THSD7A: variants seen among roughly 807,000 people sequenced by gnomAD.
The protein encoded by THSD7A is thrombospondin type-1 domain-containing protein 7A.
THSD7A carries 96 observed loss-of-function variants against 231.3 expected under a neutral mutation model. That is an observed-to-expected ratio of 0.41 (90% CI 0.35 to 0.49). THSD7A has a LOEUF of 0.49. Among genes scored for constraint, THSD7A ranks in the 20% least tolerant of loss-of-function variants. THSD7A has a pLI of 0.05. For synonymous variants in THSD7A, 940 were observed against 743.3 expected, an observed-to-expected ratio of 1.26 and a Z score of -4.30; for missense variants, 2,290 against 2,070.2, an observed-to-expected ratio of 1.11 and a Z score of -2.06.
chr7:11,519,959 A>G (rs1479953108), intron 6 of THSD7A: 1 of 152,100 alleles, frequency 6.6e-6, no homozygotes, highest in Non-Finnish European at 1.5e-5. Flanking sequence ...ATTTTTCAGA[A>G]TGCATGTGCT....
intron 1 of THSD7A, among the ~76,000 whole-genome samples, chr7:11,642,228 G>A (rs148748579): frequency 6.6e-6 from 1 of 152,304 alleles, no homozygotes; most frequent in East Asian, 1.9e-4. Flanking sequence ...ATTACTAAGA[G>A]TGGGAGGTAG....
chr7:11,752,956 CAA>C (rs1278327177), intron 1 of THSD7A, among the ~76,000 whole-genome samples: 123 of 150,878 alleles, frequency 8.2e-4, no homozygotes, highest in African/African-American at 2.9e-3. Context: ...ATCAATCAAT[CAA>C]TCATTTCTAA....
chr7:11,417,409 T>A, intron 17 of THSD7A, 41 bp downstream of exon 17: 1 of 1,497,196 alleles, frequency 6.7e-7, no homozygotes, highest in Non-Finnish European at 8.9e-7. Context: ...TGGCAAATAA[T>A]TAAATAAACT....
At chr7:11,494,652 A>G (rs1273358565) in intron 6 of THSD7A, among the ~76,000 whole-genome samples, 1 of 152,054 alleles carries the variant, frequency 6.6e-6, no homozygotes, top group African/African-American at 2.4e-5. Context: ...TTTGAAATAC[A>G]GAATCAAAAA....
chr7:11,783,376 G>T (rs1783692305), intron 1 of THSD7A, among the ~76,000 whole-genome samples: 1 of 152,152 alleles, frequency 6.6e-6, no homozygotes, highest in Non-Finnish European at 1.5e-5. Context: ...CAGAATGGTT[G>T]TGTAGATACT....
intron 3 of THSD7A, among the ~76,000 whole-genome samples, chr7:11,591,861 C>T (rs567693992): frequency 6.6e-6 from 1 of 152,134 alleles, no homozygotes; most frequent in Non-Finnish European, 1.5e-5. Context: ...AATTGAAGTT[C>T]TGATTTAGGT....
chr7:11,792,105 T>C (rs1234797175), intron 1 of THSD7A, among the ~76,000 whole-genome samples: 1 of 151,968 alleles, frequency 6.6e-6, no homozygotes, highest in Admixed American at 6.6e-5. Flanking sequence ...TCTCTTCCTC[T>C]CCCTCCATTT....
chr7:11,422,037 A>G (rs1784161639), intron 16 of THSD7A, among the ~76,000 whole-genome samples: 1 of 152,194 alleles, frequency 6.6e-6, no homozygotes, highest in African/African-American at 2.4e-5. Context: ...ATACTTTGAG[A>G]AAACTGAACT....
At chr7:11,449,680 T>C (rs1785083271) in intron 11 of THSD7A, among the ~76,000 whole-genome samples, 1 of 151,956 alleles carries the variant, frequency 6.6e-6, no homozygotes, top group Admixed American at 6.6e-5. Context: ...GTAGGAGAAA[T>C]CCTCGAGATG....
intron 23 of THSD7A, among the ~76,000 whole-genome samples, chr7:11,399,652 C>A (rs1304515589): frequency 1.3e-5 from 2 of 152,092 alleles, no homozygotes; most frequent in Admixed American, 1.3e-4. Context: ...ATTAAAAAGT[C>A]AGGAAACAAC....
rs545713835 is a variant in THSD7A, at chr7:11,687,871, T to C, written c.191-50910A>G. On this transcript the variant is annotated intron_variant, in intron 1 of 27. Transcript: ENST00000423059. ...TAAAATCATCTGGGGTGTTTCTTTT[T>C]TTTTTAATTTAATTTTATTTTTTTA... Among the ~76,000 whole-genome samples the C allele has an allele frequency of 8.0e-4, 121 of 151,896 alleles. No individual in the cohort carries two copies. The East Asian group carries it at 0.017, about 21-fold the overall frequency.
intron 1 of THSD7A, among the ~76,000 whole-genome samples, chr7:11,645,955 A>G (rs922743501): frequency 4.6e-5 from 7 of 151,982 alleles, no homozygotes; most frequent in Non-Finnish European, 8.8e-5. Context: ...TGAGCAATTC[A>G]GTTAGAGAGT....
intron 2 of THSD7A, among the ~76,000 whole-genome samples, chr7:11,606,313 A>G (rs1780730261): frequency 6.6e-6 from 1 of 152,130 alleles, no homozygotes; most frequent in Non-Finnish European, 1.5e-5. Context: ...AGAGTAGGAA[A>G]TCAAATGAAA....
At position 11,785,907 on chromosome 7, in the gene THSD7A, T is replaced by A. The variant is rs147382503; in HGVS notation, c.190+45850A>T. Among the ~76,000 whole-genome samples the A allele has an allele frequency of 1.5e-3, 225 of 152,258 alleles. 3 individuals are homozygous for A. The East Asian group carries it at 0.034, about 23-fold the overall frequency. On this transcript the variant is annotated intron_variant, in intron 1 of 27. Coordinates refer to ENST00000423059, the MANE Select transcript of THSD7A (RefSeq NM_015204.3). ...GGGTTAATTTGTAATCTTTAATTCA[T>A]CTTTCACTAAATTTTTAAGATATTT...
chr7:11,383,106 C>T (rs988671855), intron 23 of THSD7A, among the ~76,000 whole-genome samples: 1 of 151,826 alleles, frequency 6.6e-6, no homozygotes, highest in African/African-American at 2.4e-5. Flanking sequence ...GTATGACTTT[C>T]TTTGCCATGC....
At chr7:11,458,119 C>T (rs991373181) in intron 11 of THSD7A, among the ~76,000 whole-genome samples, 1 of 152,006 alleles carries the variant, frequency 6.6e-6, no homozygotes, top group African/African-American at 2.4e-5. Flanking sequence ...CAGAGAGCAG[C>T]TTCTCTATAG....
At chr7:11,426,975 G>A (rs879530426) in intron 14 of THSD7A, among the ~76,000 whole-genome samples, 2 of 152,102 alleles carry the variant, frequency 1.3e-5, no homozygotes, top group Non-Finnish European at 2.9e-5. Context: ...TACATAGCAT[G>A]GGAAATTGAT....
intron 1 of THSD7A, among the ~76,000 whole-genome samples, chr7:11,828,460 T>G (rs1435555524): frequency 6.6e-6 from 1 of 152,216 alleles, no homozygotes; most frequent in Non-Finnish European, 1.5e-5. Context: ...ACACCTCCTT[T>G]ATCAGCCAAA....
chr7:11,449,351 C>A (rs1021962957), intron 11 of THSD7A, among the ~76,000 whole-genome samples: 2 of 152,024 alleles, frequency 1.3e-5, no homozygotes, highest in African/African-American at 4.8e-5. Flanking sequence ...AATGAGATAC[C>A]TGCTATGGGG....
Sources: gnomAD v4.1 joint callset for allele counts (sites outside exome capture counted in the v4.1 genomes callset) on GRCh38, gnomAD v4.1.1 for gene constraint, MANE v1.5 for transcripts, NCBI Gene and HGNC (gene_info 2026-07-23, HGNC 2026-07-21) for gene names.